PRMT8: variants seen among roughly 807,000 people sequenced by gnomAD.
The protein encoded by PRMT8 is protein arginine methyltransferase 8, also known as protein arginine N-methyltransferase 8.
A neutral mutation model predicts 47.1 loss-of-function variants in PRMT8; 7 were observed. That is an observed-to-expected ratio of 0.15 (90% CI 0.08 to 0.28). PRMT8 has a LOEUF of 0.28. Ranked by LOEUF, PRMT8 falls within the 10% of genes least tolerant of loss-of-function variation. The probability of loss-of-function intolerance (pLI) is 1.00; values close to 1 mark genes in which losing one functional copy is unlikely to be tolerated. For synonymous variants in PRMT8, 188 were observed against 186.5 expected (o/e 1.01, Z -0.07); for missense variants, 237 against 505.4 (o/e 0.47, Z 5.09).
intron 1 of PRMT8, among the ~76,000 whole-genome samples, chr12:3,438,786 G>A (rs968128577): frequency 4.6e-5 from 7 of 152,360 alleles, no homozygotes; most frequent in Admixed American, 3.9e-4. Context: ...ACAGAGTGGT[G>A]AGTTTCATAG....
chr12:3,539,821 TG>T (rs1391527974), intron 1 of PRMT8, among the ~76,000 whole-genome samples: 5 of 152,208 alleles, frequency 3.3e-5, no homozygotes, highest in Admixed American at 1.3e-4. Flanking sequence ...AGGCCATCAG[TG>T]TGGGTATCCA....
At chr12:3,489,373 T>C (rs1865351816), upstream of PRMT8, among the ~76,000 whole-genome samples, 1 of 151,766 alleles carries the variant, frequency 6.6e-6, no homozygotes, top group Non-Finnish European at 1.5e-5. Flanking sequence ...GGGCAGAGTG[T>C]CGGACTGAAA....
At chr12:3,450,691 T>C (rs960451401) in intron 1 of PRMT8, among the ~76,000 whole-genome samples, 3 of 152,228 alleles carry the variant, frequency 2.0e-5, no homozygotes, top group African/African-American at 7.2e-5. Context: ...TCCACACTGC[T>C]TTTCCTCAAG....
upstream of PRMT8, among the ~76,000 whole-genome samples, chr12:3,488,427 C>G (rs998765581): frequency 6.6e-6 from 1 of 152,122 alleles, no homozygotes; most frequent in African/African-American, 2.4e-5. Context: ...CTGGTAGGGT[C>G]TATTGTTTCA....
intron 1 of PRMT8, among the ~76,000 whole-genome samples, chr12:3,408,591 C>G (rs1864396348): frequency 6.6e-6 from 1 of 152,078 alleles, no homozygotes; most frequent in South Asian, 2.1e-4. Flanking sequence ...AATAGATTTT[C>G]TTTATTTTGA....
intron 8 of PRMT8, among the ~76,000 whole-genome samples, chr12:3,584,855 A>G (rs952120097): frequency 1.3e-5 from 2 of 152,186 alleles, no homozygotes; most frequent in South Asian, 4.1e-4. Context: ...TAAGCATAGT[A>G]CAATATCAAA....
intron 1 of PRMT8, among the ~76,000 whole-genome samples, chr12:3,446,002 G>C (rs1191269869): frequency 6.6e-6 from 1 of 152,150 alleles, no homozygotes; most frequent in East Asian, 1.9e-4. Flanking sequence ...TCACTATCAG[G>C]CCTCCTACAG....
chr12:3,384,975 A>G (rs992367407), intron 1 of PRMT8, among the ~76,000 whole-genome samples: 1 of 151,164 alleles, frequency 6.6e-6, no homozygotes, highest in African/African-American at 2.4e-5. Flanking sequence ...GGGGCTGGCA[A>G]TAACACTTCT....
At chr12:3,529,252 T>A (rs1175112591) in intron 1 of PRMT8, among the ~76,000 whole-genome samples, 1 of 152,206 alleles carries the variant, frequency 6.6e-6, no homozygotes, top group East Asian at 1.9e-4. Context: ...TGGATAATCC[T>A]TCTAGGCAGT....
intron 1 of PRMT8, among the ~76,000 whole-genome samples, chr12:3,459,165 C>A (rs1865009427): frequency 6.6e-6 from 1 of 152,144 alleles, no homozygotes; most frequent in African/African-American, 2.4e-5. Flanking sequence ...GTTTGGCTAA[C>A]TAGAAAAATC....
intron 1 of PRMT8, among the ~76,000 whole-genome samples, chr12:3,423,649 GCT>G (rs1184585731): frequency 6.6e-6 from 1 of 152,196 alleles, no homozygotes; most frequent in East Asian, 1.9e-4. Flanking sequence ...TTTGGTGTAA[GCT>G]CTATGCCCAC....
intron 1 of PRMT8, among the ~76,000 whole-genome samples, chr12:3,395,849 G>T (rs1186192420): frequency 1.3e-5 from 2 of 152,046 alleles, no homozygotes; most frequent in Non-Finnish European, 2.9e-5. Context: ...GGGAGTCTAA[G>T]TCTCCTTGTA....
At chr12:3,522,909 A>AAGCTAT (rs1287752509) in intron 1 of PRMT8, among the ~76,000 whole-genome samples, 1 of 152,198 alleles carries the variant, frequency 6.6e-6, no homozygotes, top group Non-Finnish European at 1.5e-5. Flanking sequence ...ACCTAAAAGG[A>AAGCTAT]AGCTATAAGC....
chr12:3,391,611 G>A (rs552662493), intron 1 of PRMT8, among the ~76,000 whole-genome samples: 15 of 152,328 alleles, frequency 9.8e-5, no homozygotes, highest in East Asian at 1.9e-4. Context: ...AGTGGAATGC[G>A]AAGCCACTAG....
At chr12:3,558,961 C>CTATCTATCTAT (rs1866579970) in intron 4 of PRMT8, among the ~76,000 whole-genome samples, 10 of 150,108 alleles carry the variant, frequency 6.7e-5, no homozygotes, top group South Asian at 4.3e-4. Flanking sequence ...TATCTATCTA[C>CTATCTATCTAT]CTATCTATCT....
At chr12:3,548,940 G>A (rs1866371905) in intron 2 of PRMT8, among the ~76,000 whole-genome samples, 1 of 152,148 alleles carries the variant, frequency 6.6e-6, no homozygotes, top group African/African-American at 2.4e-5. Context: ...ATACATTGTG[G>A]TATAGTCATA....
chr12:3,470,789 G>C (rs765816678), intron 1 of PRMT8, among the ~76,000 whole-genome samples: 1 of 152,212 alleles, frequency 6.6e-6, no homozygotes, highest in Non-Finnish European at 1.5e-5. Context: ...CTCTTCAGCT[G>C]TACATCGCCA....
At chr12:3,405,522 G>A (rs1026409132) in intron 1 of PRMT8, among the ~76,000 whole-genome samples, 1 of 152,150 alleles carries the variant, frequency 6.6e-6, no homozygotes, top group African/African-American at 2.4e-5. Flanking sequence ...CTGAGACAAG[G>A]CAAGTCCCTT....
chr12:3,570,677 G>A lies in PRMT8; in HGVS notation c.712+1113G>A, dbSNP rs1337253672. Among the ~76,000 whole-genome samples, 1 of 152,196 alleles carries A rather than the reference G, an allele frequency of 6.6e-6. No individual in the cohort carries two copies. Among genetic ancestry groups the A allele is most frequent in the South Asian group, 2.1e-4 (1 of 4,826 alleles). On this transcript the variant is annotated intron_variant, in intron 6 of 9. Coordinates refer to ENST00000382622, the MANE Select transcript of PRMT8 (RefSeq NM_019854.5). This position sits in a 1 kb window ranked among gnomAD's most constrained non-coding sequence, Gnocchi z 5.5. ...TAGTGGCACTGATGAAAACTCGGCT[G>A]GACTCTGCTATGGATGTGTGTATTT...
Sources: gnomAD v4.1 joint callset for allele counts (sites outside exome capture counted in the v4.1 genomes callset) on GRCh38, gnomAD v4.1.1 for gene constraint, Gnocchi (gnomAD v3.1) non-coding constraint, MANE v1.5 for transcripts, NCBI Gene and HGNC (gene_info 2026-07-23, HGNC 2026-07-21) for gene names.